The following TTN variants were observed in gnomAD, a reference collection of about 807,000 sequenced individuals.
TTN encodes connectin.
A neutral mutation model predicts 3,223.0 loss-of-function variants in TTN; 1,525 were observed. The ratio of observed to expected loss-of-function variants is 0.47; its 90% CI spans 0.45 to 0.49. TTN has a LOEUF of 0.49. Among genes scored for constraint, TTN ranks in the 20% least tolerant of loss-of-function variants. TTN has a pLI of 0.00. For missense variants in TTN, 40,786 were observed against 43,424.0 expected (o/e 0.94, Z 5.40); for synonymous variants, 14,094 against 15,161.0 (o/e 0.93, Z 5.17).
chr2:178,712,979 A>G lies in TTN; in HGVS notation c.27050-4T>C. 2.5e-6 allele frequency: 4 copies of G among 1,611,474 alleles called. No homozygotes were observed. Among genetic ancestry groups the G allele is most frequent in the Non-Finnish European group, 3.4e-6 (4 of 1,178,254 alleles). On this transcript the variant is annotated splice_polypyrimidine_tract_variant and splice_region_variant and intron_variant, in intron 93 of 362. Coordinates refer to ENST00000589042, the MANE Select transcript of TTN (RefSeq NM_001267550.2). ...TTCTGAACAAAAGATGGTGGTTCTA[A>G]ACACAAAAGCACATATCAGAAAAGG...
At position 178,617,956 on chromosome 2, in the gene TTN, C is replaced by T. The variant is rs1364793607; in HGVS notation, c.47395G>A (p.Asp15799Asn). The part of the protein sequence containing the change: ...EITNYVIELR[D>N]KTSIRWDTAM... Reference sequence around the variant, plus strand: ...GTATCCCACCTGATAGAAGTCTTGTCTCTTAATTCAATGACGTAGTTTGTG... The same window carrying T: ...GTATCCCACCTGATAGAAGTCTTGTTTCTTAATTCAATGACGTAGTTTGTG... Residue 15799 changes from aspartate to asparagine, a missense_variant, in exon 253 of 363, where the codon GAC becomes AAC. Coordinates refer to ENST00000589042, the MANE Select transcript of TTN (RefSeq NM_001267550.2). The T allele has an allele frequency of 6.2e-7, 1 of 1,612,556 alleles. No homozygotes were observed. Among genetic ancestry groups the T allele is most frequent in the African/African-American group, 1.3e-5 (1 of 74,808 alleles).
At position 178,562,618 on chromosome 2, in the gene TTN, G is replaced by A. The variant is rs779213695; in HGVS notation, c.83514C>T (p.Phe27838=). 40 of 1,608,230 alleles carry A rather than the reference G, an allele frequency of 2.5e-5. No individual in the cohort carries two copies. The highest frequency in any genetic ancestry group is 1.5e-5 in the Non-Finnish European group (18 of 1,178,158). The change falls in exon 326 of 363, where the codon TTC becomes TTT. Residue 27838 remains phenylalanine, a synonymous_variant. Transcript: ENST00000589042. ...CATATTCATTGGAAGCCAAGACTCG[G>A]AAGTAGTAAGAACATCCTTCTTGTA... The part of the protein sequence containing the change: ...ENLQEGCSYY[F]RVLASNEYGI...
In TTN at chr2:178,569,640, G is replaced by C. The variant is rs377754701; in HGVS notation, c.76492C>G (p.Pro25498Ala). ...TCTAATTTTTCTTCAACTATAATAG[G>C]TCCAGGGACGTCAGCATGTTCTCCA... ...GVGEHADVPG[P>A]IIVEEKLEAP... is the part of the protein sequence containing the mutation. Residue 25498 changes from proline to alanine, a missense_variant, in exon 326 of 363, where the codon CCT becomes GCT. Pro to Ala is a conservative substitution (Grantham distance 27). Transcript: ENST00000589042. 5.8e-5 allele frequency: 94 copies of C among 1,611,840 alleles called. No individual in the cohort carries two copies. The South Asian group carries it at 9.8e-4, about 17-fold the overall frequency.
rs1204774037 is a variant in TTN, at chr2:178,704,687, C to T, written c.29785G>A (p.Glu9929Lys). 45 of 1,611,434 alleles carry T rather than the reference C, an allele frequency of 2.8e-5. No individual in the cohort carries two copies. Among genetic ancestry groups the T allele is most frequent in the Non-Finnish European group, 3.6e-5 (43 of 1,178,918 alleles). The change falls in exon 105 of 363, where the codon GAA (glutamate) becomes AAA (lysine). Residue 9929 changes from glutamate (E) to lysine (K), a missense_variant. By Grantham distance (56) the Glu-to-Lys change is moderately conservative. Transcript: ENST00000589042. Reference protein sequence around the residue: ...FEIDIKINYPEIKLSWYKGTE... With the variant: ...FEIDIKINYPKIKLSWYKGTE... Reference sequence around the variant, plus strand: ...CCTTTGTACCACGAAAGCTTGATTTCTGGATAATTAATTTTAATGTCAATT... The same window carrying T: ...CCTTTGTACCACGAAAGCTTGATTTTTGGATAATTAATTTTAATGTCAATT...
chr2:178,679,889 T>G lies in TTN; in HGVS notation c.33580+5A>C, dbSNP rs770773897. 1.2e-6 allele frequency: 2 copies of G among 1,612,698 alleles called. No individual in the cohort carries two copies. Among genetic ancestry groups the G allele is most frequent in the Non-Finnish European group, 1.7e-6 (2 of 1,179,294 alleles). Reference sequence around the variant, plus strand: ...GCACAGCCCTTTGCAGGAGGCATCATCTACCTTTGACTGGTATCACTGGCA... The same window carrying G: ...GCACAGCCCTTTGCAGGAGGCATCAGCTACCTTTGACTGGTATCACTGGCA... On this transcript the variant is annotated splice_donor_5th_base_variant and intron_variant, in intron 140 of 362. Coordinates refer to ENST00000589042, the MANE Select transcript of TTN (RefSeq NM_001267550.2).
chr2:178,737,150 AAGGT>A (rs1416910463), intron 49 of TTN, among the ~76,000 whole-genome samples: 1 of 152,094 alleles, frequency 6.6e-6, no homozygotes, highest in Admixed American at 6.6e-5. Flanking sequence ...GGAAGGAAAG[AAGGT>A]AGGAAGAAAG....
In TTN at chr2:178,614,131, G is replaced by T. The variant is rs1375657505; in HGVS notation, c.49266C>A (p.Ile16422=). Residue 16422 remains isoleucine, a synonymous_variant, in exon 262 of 363, where the codon ATC becomes ATA. Coordinates refer to ENST00000589042, the MANE Select transcript of TTN (RefSeq NM_001267550.2). ...ATKLIPNKEY[I]FRVAAENMYG... is the part of the protein sequence containing the mutation. Reference sequence around the variant, plus strand: ...ACATGTTTTCTGCAGCAACTCTGAAGATGTACTCTTTATTGGGGATTAATT... The same window carrying T: ...ACATGTTTTCTGCAGCAACTCTGAATATGTACTCTTTATTGGGGATTAATT... 1.9e-6 allele frequency: 3 copies of T among 1,612,494 alleles called. No homozygotes were observed. The highest frequency in any genetic ancestry group is 2.2e-5 in the South Asian group (2 of 91,038).
At position 178,552,701 on chromosome 2, in the gene TTN, C is replaced by T. The variant is rs747129423; in HGVS notation, c.90199G>A (p.Val30067Ile). Residue 30067 changes from valine to isoleucine, a missense_variant, in exon 335 of 363, where the codon GTA becomes ATA. Physicochemically the swap from Val to Ile is conservative, Grantham distance 29. Coordinates refer to ENST00000589042, the MANE Select transcript of TTN (RefSeq NM_001267550.2). ...TGTTCACCTTTACCTTTCCTTTCTA[C>T]AACATATTCTGTGATGACGCTACCA... ...DGGSVITEYV[V>I]ERKGKGEQTW... 1 of 1,613,932 alleles carries T rather than the reference C, an allele frequency of 6.2e-7. No individual in the cohort carries two copies.
chr2:178,784,033 G>C (rs372846682), intron 16 of TTN, 37 bp downstream of exon 16: 1 of 1,611,236 alleles, frequency 6.2e-7, no homozygotes, highest in African/African-American at 1.3e-5. Context: ...TGCTCAATGG[G>C]AGTGGACCAT....
Position 178,540,357 on chromosome 2 carries a change from C to T in TTN, c.97809G>A (p.Lys32603=), listed in dbSNP as rs1332306586. 2.5e-6 allele frequency: 4 copies of T among 1,611,906 alleles called. No individual in the cohort carries two copies. The highest frequency in any genetic ancestry group is 3.4e-6 in the Non-Finnish European group (4 of 1,178,596). ...TATCAGTAACTCTTGGGTTTTGTGG[C>T]TTTCCTGGAGGAGCTGAGAATAAGA... The part of the protein sequence containing the change: ...VAMDPIAPPG[K]PQNPRVTDTT... The change falls in exon 351 of 363, where the codon AAG becomes AAA. Residue 32603 remains lysine (K), a synonymous_variant. Transcript: ENST00000589042.
chr2:178,563,207 T>C lies in TTN; in HGVS notation c.82925A>G (p.Tyr27642Cys). The part of the protein sequence containing the change: ...TVTKLKENTE[Y>C]NFRICAINSE... ...ATTGATGGCACAAATACGGAAGTTA[T>C]ATTCAGTGTTTTCTTTAAGCTTGGT... The change falls in exon 326 of 363, where the codon TAT becomes TGT. Residue 27642 changes from tyrosine to cysteine, a missense_variant. By Grantham distance (194) the Tyr-to-Cys change is radical. Coordinates refer to ENST00000589042, the MANE Select transcript of TTN (RefSeq NM_001267550.2). This position sits in a 1 kb window ranked among gnomAD's most constrained non-coding sequence, Gnocchi z 4.5. 6.2e-7 allele frequency: 1 copy of C among 1,613,730 alleles called. No individual in the cohort carries two copies. Among genetic ancestry groups the C allele is most frequent in the Non-Finnish European group, 8.5e-7 (1 of 1,179,710 alleles).
At position 178,712,342 on chromosome 2, in the gene TTN, A is replaced by C. The variant is rs766272800; in HGVS notation, c.27580T>G (p.Ser9194Ala). 7 of 1,613,618 alleles carry C rather than the reference A, an allele frequency of 4.3e-6. No individual in the cohort carries two copies. The East Asian group carries it at 1.6e-4, about 36-fold the overall frequency. Residue 9194 changes from serine to alanine, a missense_variant, in exon 95 of 363, where the codon TCC becomes GCC. Transcript: ENST00000589042. ...CYIENASGKD[S>A]CSAQILILEP... ...AGTATGAGTATTTGTGCTGAACAGG[A>C]ATCTTTTCCAGAGGCATTTTCAATG...
At chr2:178,689,218 G>C in intron 124 of TTN, 72 bp downstream of exon 124, 1 of 1,590,072 alleles carries the variant, frequency 6.3e-7, no homozygotes, top group Non-Finnish European at 8.6e-7. Flanking sequence ...CACCCACAGT[G>C]CACTCATATC....
Position 178,802,260 on chromosome 2 carries a change from AAGG to A in TTN, c.170_172del (p.Ser57del), listed in dbSNP as rs2094107459. ...CGTCAGTTTAGCGCGGCCATCGCTA[AAGG>A]AGATCTGCACGCCGGGCAGAGTGGA... is the stretch of plus-strand genomic sequence containing the variant. On this transcript the variant is annotated inframe_deletion, in exon 3 of 363. Coordinates refer to ENST00000589042, the MANE Select transcript of TTN (RefSeq NM_001267550.2). 6.2e-7 allele frequency: 1 copy of A among 1,614,142 alleles called. No individual in the cohort carries two copies. Among genetic ancestry groups the A allele is most frequent in the African/African-American group, 1.3e-5 (1 of 75,052 alleles).
intron 102 of TTN, among the ~76,000 whole-genome samples, chr2:178,706,128 G>A (rs1321145192): frequency 2.6e-5 from 4 of 152,162 alleles, no homozygotes; most frequent in Non-Finnish European, 4.4e-5. Flanking sequence ...GATTCTTTTT[G>A]TGAATGGGAC....
At chr2:178,786,386 T>C (rs1167885043) in intron 13 of TTN, among the ~76,000 whole-genome samples, 1 of 152,194 alleles carries the variant, frequency 6.6e-6, no homozygotes, top group Non-Finnish European at 1.5e-5. Flanking sequence ...ATACACAACA[T>C]AGGACAATCA....
chr2:178,790,672 G>A (rs762457463), intron 11 of TTN, 36 bp downstream of exon 11: 2 of 1,613,836 alleles, frequency 1.2e-6, no homozygotes, highest in South Asian at 2.2e-5. Flanking sequence ...ATGAAATGGT[G>A]CAAGAGTGAC....
rs1174185176 is a variant in TTN, at chr2:178,588,828, C to T, written c.62897G>A (p.Arg20966His). 6.2e-6 allele frequency: 10 copies of T among 1,613,186 alleles called. No homozygotes were observed. Among genetic ancestry groups the T allele is most frequent in the African/African-American group, 4.0e-5 (3 of 74,874 alleles). Residue 20966 changes from arginine (R) to histidine (H), a missense_variant, in exon 304 of 363, where the codon CGC becomes CAC. By Grantham distance (29) the Arg-to-His change is conservative. Transcript: ENST00000589042. ...IAKTKYDKPG[R>H]PDPPEVTKVS... ...TTTAGTGACTTCTGGGGGATCAGGG[C>T]GACCAGGTTTATCATACTTGGTTTT...
Position 178,724,784 on chromosome 2 carries a change from T to G in TTN, c.20837-246A>C, listed in dbSNP as rs138853959. 1.7e-4 allele frequency: 59 copies of G among 347,884 alleles called. No individual in the cohort carries two copies. In the East Asian group the frequency reaches 2.7e-3, roughly 16 times the overall value. The allele number at this position is 347,884 out of a possible 1,614,324, so 21.5% of individuals were successfully genotyped here. A position where few individuals can be genotyped will look rare whatever the true frequency, so the allele number is the denominator to read the frequency against. The stretch of plus-strand genomic sequence containing the variant: ...TCCCACCACTCTTGCTGTCGTCTTA[T>G]GTAGCAATTATTCTTAAGAAATATA... On this transcript the variant is annotated intron_variant, in intron 71 of 362. Coordinates refer to ENST00000589042, the MANE Select transcript of TTN (RefSeq NM_001267550.2).
Sources: gnomAD v4.1 joint callset for allele counts (sites outside exome capture counted in the v4.1 genomes callset) on GRCh38, gnomAD v4.1.1 for gene constraint, Gnocchi (gnomAD v3.1) non-coding constraint, MANE v1.5 for transcripts, NCBI Gene and HGNC (gene_info 2026-07-23, HGNC 2026-07-21) for gene names.